Variants in CTBP2 observed in about 807,000 individuals in gnomAD.
CTBP2 encodes C-terminal-binding protein 2.
CTBP2 carries 30 observed loss-of-function variants against 80.3 expected under a neutral mutation model. The observed-to-expected ratio is 0.37, with a 90% confidence interval of 0.28 to 0.51. CTBP2 has a LOEUF of 0.51. Among genes scored for constraint, CTBP2 ranks in the 20% least tolerant of loss-of-function variants. The pLI, the probability that CTBP2 is intolerant of heterozygous loss-of-function variation, is 0.93. For synonymous variants in CTBP2, 594 were observed against 587.4 expected (o/e 1.01, Z -0.16); for missense variants, 1,212 against 1,375.3 (o/e 0.88, Z 1.88).
intron 2 of CTBP2, among the ~76,000 whole-genome samples, chr10:125,073,061 C>T (rs1845751352): frequency 6.6e-6 from 1 of 152,244 alleles, no homozygotes; most frequent in African/African-American, 2.4e-5. Flanking sequence ...CTAACAGCCA[C>T]AGCAGTTCCA....
At chr10:125,065,681 T>C (rs971547131) in intron 2 of CTBP2, among the ~76,000 whole-genome samples, 2 of 152,194 alleles carry the variant, frequency 1.3e-5, no homozygotes, top group African/African-American at 2.4e-5. Context: ...CCAGCTCTTG[T>C]GGCCAGCCCC....
intron 2 of CTBP2, among the ~76,000 whole-genome samples, chr10:125,107,480 A>G (rs1851639704): frequency 6.6e-6 from 1 of 152,210 alleles, no homozygotes; most frequent in Non-Finnish European, 1.5e-5. Flanking sequence ...ACCATTGACA[A>G]TCGGACCCCA....
upstream of CTBP2, among the ~76,000 whole-genome samples, chr10:125,031,544 G>GC (rs1407519415): frequency 9.1e-6 from 1 of 109,592 alleles, no homozygotes; most frequent in Non-Finnish European, 1.9e-5. Context: ...CCTACCCCCT[G>GC]CCCCCGAACG....
intron 2 of CTBP2, among the ~76,000 whole-genome samples, chr10:125,070,181 C>A (rs577489461): frequency 2.2e-4 from 34 of 152,098 alleles, no homozygotes; most frequent in Non-Finnish European, 4.9e-4. Flanking sequence ...GAAACCCGGT[C>A]TCTACTAAAA....
At chr10:125,031,354 T>C (rs1958168329), upstream of CTBP2, among the ~76,000 whole-genome samples, 1 of 151,698 alleles carries the variant, frequency 6.6e-6, no homozygotes. Flanking sequence ...CCGGGCGTGG[T>C]GGCGGGTGCC....
chr10:125,071,905 A>G (rs1681962733), intron 2 of CTBP2, among the ~76,000 whole-genome samples: 1 of 152,072 alleles, frequency 6.6e-6, no homozygotes, highest in South Asian at 2.1e-4. Context: ...GTTGAGGGGA[A>G]TGGGCCGGAA....
chr10:125,133,360 C>T (rs1010311198), intron 1 of CTBP2, among the ~76,000 whole-genome samples: 3 of 152,184 alleles, frequency 2.0e-5, no homozygotes, highest in Admixed American at 2.0e-4. Flanking sequence ...ACCTGCCTAC[C>T]CATCCCCCAA....
Position 124,985,156 on chromosome 10 carries a change from C to G in CTBP2, c.*4362G>C, listed in dbSNP as rs1952004982. The G allele has an allele frequency of 5.3e-6, 3 of 564,854 alleles. No homozygotes were observed. Among genetic ancestry groups the G allele is most frequent in the Non-Finnish European group, 9.3e-6 (3 of 322,488 alleles). 35.0% of individuals were successfully genotyped at this position (564,854 alleles called of 1,614,324 possible). On this transcript the variant is annotated 3_prime_UTR_variant, in exon 9 of 9. Transcript: ENST00000309035. ...CACACACACCTTATGGAGATAATGC[C>G]TCTGCTGCGTGAGGAGACAGAGAAC...
At chr10:125,134,003 AC>A (rs1856580844) in intron 1 of CTBP2, among the ~76,000 whole-genome samples, 27 of 152,220 alleles carry the variant, frequency 1.8e-4, no homozygotes, top group Admixed American at 1.8e-3. Context: ...GGCATGTAAA[AC>A]TTAGCAGGTA....
intron 3 of CTBP2, among the ~76,000 whole-genome samples, chr10:125,035,044 T>A (rs1958706662): frequency 6.6e-6 from 1 of 152,132 alleles, no homozygotes; most frequent in Admixed American, 6.5e-5. Context: ...GCTTCCACCA[T>A]GGCAAGTTCA....
chr10:125,046,682 C>T (rs189273082), intron 2 of CTBP2, among the ~76,000 whole-genome samples: 3 of 152,170 alleles, frequency 2.0e-5, no homozygotes, highest in Non-Finnish European at 2.9e-5. Context: ...GTAAGTTACA[C>T]AGAGTAAGAA....
At chr10:125,046,826 A>G (rs532076252) in intron 2 of CTBP2, among the ~76,000 whole-genome samples, 6 of 152,374 alleles carry the variant, frequency 3.9e-5, no homozygotes, top group South Asian at 2.1e-4. Flanking sequence ...CTTGGCCAAC[A>G]AAGCTGAGTA....
At chr10:125,158,079 G>A (rs2133524525) in intron 1 of CTBP2, among the ~76,000 whole-genome samples, 1 of 152,048 alleles carries the variant, frequency 6.6e-6, no homozygotes, top group African/African-American at 2.4e-5. Flanking sequence ...ATTGCTGTAA[G>A]AAGTATCCTT....
chr10:125,144,195 C>T lies in CTBP2; in HGVS notation c.-206+16124G>A, dbSNP rs146443089. ...GGGGACTCCCACCAAAGGCTCCAGACTCTTGAAACTGGATTCTCCTGCTTC... is the reference window on the plus strand; with the variant it reads ...GGGGACTCCCACCAAAGGCTCCAGATTCTTGAAACTGGATTCTCCTGCTTC... On this transcript the variant is annotated intron_variant, in intron 1 of 10. Coordinates refer to the CTBP2 transcript ENST00000337195. Among the ~76,000 whole-genome samples, 42 of 152,362 alleles carry T rather than the reference C, an allele frequency of 2.8e-4. No homozygotes were observed. In the East Asian group the frequency reaches 8.1e-3, roughly 29 times the overall value.
chr10:125,090,831 C>T (rs746152382), intron 2 of CTBP2, among the ~76,000 whole-genome samples: 13 of 152,124 alleles, frequency 8.5e-5, no homozygotes, highest in Non-Finnish European at 1.2e-4. Flanking sequence ...ACCACACTGA[C>T]AGCAAGTTGG....
chr10:125,107,086 ACT>A (rs1162280918), intron 2 of CTBP2, among the ~76,000 whole-genome samples: 1 of 152,144 alleles, frequency 6.6e-6, no homozygotes, highest in Non-Finnish European at 1.5e-5. Flanking sequence ...CCGAAGCATA[ACT>A]CACATCCAGA....
At position 125,059,137 on chromosome 10, in the gene CTBP2, C is replaced by T. The variant is rs543869366; in HGVS notation, c.-101-19982G>A. Reference sequence around the variant, plus strand: ...TTGCTGGTGCTAAACAAAGTGTGGGCGGTGGGGGTGGGAGGCGTGTTTAAG... The same window carrying T: ...TTGCTGGTGCTAAACAAAGTGTGGGTGGTGGGGGTGGGAGGCGTGTTTAAG... On this transcript the variant is annotated intron_variant, in intron 2 of 10. Transcript: ENST00000337195. Among the ~76,000 whole-genome samples the T allele has an allele frequency of 1.3e-4, 19 of 151,794 alleles. No individual in the cohort carries two copies. In the South Asian group the frequency reaches 2.7e-3, roughly 22 times the overall value.
chr10:125,060,472 G>A (rs1411461779), intron 2 of CTBP2, among the ~76,000 whole-genome samples: 1 of 125,480 alleles, frequency 8.0e-6, no homozygotes, highest in Non-Finnish European at 1.8e-5. Flanking sequence ...ACGTGTGTGT[G>A]TGTGTGTGTG....
At chr10:125,029,964 A>T (rs1000153897), upstream of CTBP2, among the ~76,000 whole-genome samples, 1 of 152,194 alleles carries the variant, frequency 6.6e-6, no homozygotes, top group Admixed American at 6.5e-5. Context: ...TCAGCCTCCC[A>T]TTGAACCAGG....
Sources: allele counts gnomAD v4.1 joint callset (sites outside exome capture counted in the v4.1 genomes callset), GRCh38; gene constraint gnomAD v4.1.1; transcripts MANE v1.5; gene names NCBI Gene and HGNC (gene_info 2026-07-23, HGNC 2026-07-21).